The following DNAH2 variants were observed in gnomAD, a reference collection of about 807,000 sequenced individuals.
DNAH2 encodes dynein axonemal heavy chain 2, also known as axonemal beta dynein heavy chain 2.
Under a neutral mutation model 523.5 loss-of-function variants are expected in DNAH2, and 323 were observed. The ratio of observed to expected loss-of-function variants is 0.62; its 90% CI spans 0.56 to 0.68. The LOEUF (loss-of-function observed/expected upper bound fraction) is 0.68, where lower values mean the gene tolerates loss of function less well. Ranked by LOEUF, DNAH2 falls within the 30% of genes least tolerant of loss-of-function variation. The probability of loss-of-function intolerance (pLI) is 0.00; values close to 1 mark genes in which losing one functional copy is unlikely to be tolerated. For missense variants in DNAH2, 4,907 were observed against 5,701.5 expected (o/e 0.86, Z 4.49); for synonymous variants, 2,093 against 2,177.4 (o/e 0.96, Z 1.08).
intron 64 of DNAH2, 122 bp downstream of exon 64, chr17:7,816,857 G>T: frequency 7.8e-7 from 1 of 1,275,840 alleles, no homozygotes; most frequent in Non-Finnish European, 1.1e-6. Flanking sequence ...GGAACTCTAA[G>T]AACTGAGGCG....
intron 56 of DNAH2, among the ~76,000 whole-genome samples, chr17:7,800,655 A>G (rs2077196723): frequency 6.6e-6 from 1 of 150,500 alleles, no homozygotes; most frequent in South Asian, 2.1e-4. Context: ...TCACAAGGTC[A>G]GGAGATCGAG....
At chr17:7,791,851 G>A (rs762682856) in intron 44 of DNAH2, 66 bp from the exon 45 acceptor site, 13 of 1,500,214 alleles carry the variant, frequency 8.7e-6, no homozygotes, top group African/African-American at 2.8e-5. Flanking sequence ...CTGGTGTCAC[G>A]AGTCTGCCAG....
chr17:7,778,022 G>T lies in DNAH2; in HGVS notation c.5248-55G>T. On this transcript the variant is annotated intron_variant, in intron 33 of 85. Coordinates refer to ENST00000572933, the MANE Select transcript of DNAH2 (RefSeq NM_020877.5). ...AGCCCCACTCTCAGTCATTGTCCCA[G>T]CTCTAACTCTCCTTCCAAGCCCACC... is the stretch of plus-strand genomic sequence containing the variant. 4 of 1,493,064 alleles carry T rather than the reference G, an allele frequency of 2.7e-6. No homozygotes were observed. In the South Asian group the frequency reaches 4.6e-5, roughly 17 times the overall value. 92.5% of individuals were successfully genotyped at this position (1,493,064 alleles called of 1,614,324 possible).
At chr17:7,796,112 G>A (rs921976437) in intron 49 of DNAH2, among the ~76,000 whole-genome samples, 12 of 138,978 alleles carry the variant, frequency 8.6e-5, no homozygotes, top group African/African-American at 2.7e-4. Flanking sequence ...GCAGTGGCAC[G>A]ATGTTGGCTC....
chr17:7,780,910 C>CGTGTT lies in DNAH2; in HGVS notation c.6003+130_6004-126dup, dbSNP rs1555555746. The CGTGTT allele has an allele frequency of 5.5e-5, 87 of 1,578,520 alleles. No homozygotes were observed. Among genetic ancestry groups the CGTGTT allele is most frequent in the Non-Finnish European group, 7.3e-5 (85 of 1,158,478 alleles). On this transcript the variant is annotated intron_variant, in intron 38 of 85. Coordinates refer to ENST00000572933, the MANE Select transcript of DNAH2 (RefSeq NM_020877.5). The surrounding 1 kb of genome is among the most constrained non-coding windows in gnomAD (Gnocchi z 4.4). Reference sequence around the variant, plus strand: ...TCACCTTCCCACCTCGTCCCATCCCCGTGTTGCCCGCTGCTTTGCTAATGG... The same window carrying CGTGTT: ...TCACCTTCCCACCTCGTCCCATCCCCGTGTTGTGTTGCCCGCTGCTTTGCTAATGG...
intron 39 of DNAH2, among the ~76,000 whole-genome samples, chr17:7,782,213 C>T (rs1253337154): frequency 1.3e-5 from 2 of 152,160 alleles, no homozygotes; most frequent in African/African-American, 4.8e-5. Flanking sequence ...AAACCCCAGT[C>T]CCCAAGGGGC....
At chr17:7,823,122 C>T (rs1256598193) in intron 73 of DNAH2, among the ~76,000 whole-genome samples, 2 of 151,990 alleles carry the variant, frequency 1.3e-5, no homozygotes, top group East Asian at 1.9e-4. Context: ...GGTGAAACCC[C>T]GTGTCTACTA....
intron 4 of DNAH2, among the ~76,000 whole-genome samples, chr17:7,729,592 G>A (rs1271156443): frequency 6.6e-6 from 1 of 152,050 alleles, no homozygotes; most frequent in Non-Finnish European, 1.5e-5. Context: ...CACCACACCA[G>A]GCTAATTTTG....
At position 7,817,345 on chromosome 17, in the gene DNAH2, T is replaced by G; in HGVS notation, c.9950T>G (p.Phe3317Cys). The G allele has an allele frequency of 7.5e-6, 12 of 1,609,658 alleles. No individual in the cohort carries two copies. Among genetic ancestry groups the G allele is most frequent in the Non-Finnish European group, 9.3e-6 (11 of 1,178,822 alleles). The part of the protein sequence containing the change: ...LVGDCLLAAA[F>C]LSYMGPFLTN... ...GGGGACTGTCTCCTGGCAGCTGCCT[T>G]CCTGTCCTACATGGGACCCTTCCTG... Residue 3317 changes from phenylalanine to cysteine, a missense_variant, in exon 65 of 86, where the codon TTC (phenylalanine) becomes TGC (cysteine). Phe to Cys is a radical substitution (Grantham distance 205). Transcript: ENST00000572933.
At chr17:7,778,556 C>T in intron 35 of DNAH2, 87 bp downstream of exon 35, 1 of 1,258,974 alleles carries the variant, frequency 7.9e-7, no homozygotes, top group Non-Finnish European at 1.1e-6. Flanking sequence ...TGGTTCAGTG[C>T]TTTGTAGCTT....
intron 21 of DNAH2, among the ~76,000 whole-genome samples, 189 bp downstream of exon 21, chr17:7,765,754 G>A (rs887495461): frequency 4.6e-5 from 7 of 151,950 alleles, no homozygotes; most frequent in Non-Finnish European, 7.4e-5. Flanking sequence ...AGACAGCGGC[G>A]CAGCTCACAG....
At position 7,786,141 on chromosome 17, in the gene DNAH2, G is replaced by A. The variant is rs915703230; in HGVS notation, c.6147G>A (p.Glu2049=). The change falls in exon 40 of 86, where the codon GAG becomes GAA. Residue 2049 remains glutamate, a synonymous_variant. Transcript: ENST00000572933. This position sits in a 1 kb window ranked among gnomAD's most constrained non-coding sequence, Gnocchi z 7.5. The part of the protein sequence containing the change: ...IDYGKLRETV[E]QEIRDMGLQS... ...TCCCTCAGCTGCGGGAGACCGTTGA[G>A]CAGGAGATTCGAGACATGGGCCTGC... is the stretch of plus-strand genomic sequence containing the variant. 4 of 1,613,942 alleles carry A rather than the reference G, an allele frequency of 2.5e-6. No individual in the cohort carries two copies. Among genetic ancestry groups the A allele is most frequent in the Admixed American group, 1.7e-5 (1 of 60,002 alleles).
In DNAH2 at chr17:7,796,532, G is replaced by A; in HGVS notation, c.7743G>A (p.Val2581=). The A allele has an allele frequency of 6.2e-6, 10 of 1,613,742 alleles. No homozygotes were observed. Among genetic ancestry groups the A allele is most frequent in the Non-Finnish European group, 8.5e-6 (10 of 1,179,964 alleles). The change falls in exon 50 of 86, where the codon GTG becomes GTA. Residue 2581 remains valine (V), a synonymous_variant. Coordinates refer to ENST00000572933, the MANE Select transcript of DNAH2 (RefSeq NM_020877.5). ...NQKLQDFEEE[V]KPIGNVVTEA... ...AGCTTCAGGACTTTGAGGAAGAGGTGAAGCCCATTGGGAACGTGGTGACAG... is the reference window on the plus strand; with the variant it reads ...AGCTTCAGGACTTTGAGGAAGAGGTAAAGCCCATTGGGAACGTGGTGACAG...
chr17:7,753,916 C>A (rs557473651), intron 12 of DNAH2, among the ~76,000 whole-genome samples: 1 of 152,224 alleles, frequency 6.6e-6, no homozygotes, highest in East Asian at 1.9e-4. Flanking sequence ...CCACTGCACT[C>A]CAGCCTGGGC....
Position 7,792,071 on chromosome 17 carries a change from T to A in DNAH2, c.7053+2T>A. ...ATCGAGGGCTCCTTTCCCAATAAGG[T>A]TGGGCGCACACCTGGCTGTCCTATT... On this transcript the variant is annotated splice_donor_variant, in intron 45 of 85. Coordinates refer to ENST00000572933, the MANE Select transcript of DNAH2 (RefSeq NM_020877.5). LOFTEE classifies it high-confidence loss of function. 6.2e-7 allele frequency: 1 copy of A among 1,612,444 alleles called. No homozygotes were observed. The highest frequency in any genetic ancestry group is 8.5e-7 in the Non-Finnish European group (1 of 1,179,602).
chr17:7,814,250 G>T (rs2077598838), intron 63 of DNAH2, among the ~76,000 whole-genome samples: 1 of 142,940 alleles, frequency 7.0e-6, no homozygotes, highest in Admixed American at 7.2e-5. Context: ...GATTTTATTA[G>T]GTGTAATAAT....
At chr17:7,757,017 T>C in intron 12 of DNAH2, 74 bp from the exon 13 acceptor site, 7 of 1,592,882 alleles carry the variant, frequency 4.4e-6, no homozygotes, top group East Asian at 2.3e-5. Flanking sequence ...TCCCAGCCTC[T>C]CCACCTGTTC....
chr17:7,755,902 C>T (rs1411298738), intron 12 of DNAH2, among the ~76,000 whole-genome samples: 4 of 151,312 alleles, frequency 2.6e-5, no homozygotes, highest in Non-Finnish European at 5.9e-5. Context: ...CAGGTTCAAG[C>T]GATTCTCCTG....
Position 7,780,619 on chromosome 17 carries a change from T to C in DNAH2, c.5851-11T>C. Reference sequence around the variant, plus strand: ...AGATGGACTGTTTCCTCCTCTGTTTTGGTTCCCCAGATTCTGGCCAAGAAG... The same window carrying C: ...AGATGGACTGTTTCCTCCTCTGTTTCGGTTCCCCAGATTCTGGCCAAGAAG... On this transcript the variant is annotated splice_polypyrimidine_tract_variant and intron_variant, in intron 37 of 85. Transcript: ENST00000572933. The surrounding 1 kb of genome is among the most constrained non-coding windows in gnomAD (Gnocchi z 4.4). The C allele has an allele frequency of 6.2e-7, 1 of 1,613,610 alleles. No homozygotes were observed. The highest frequency in any genetic ancestry group is 8.5e-7 in the Non-Finnish European group (1 of 1,179,778).
Sources: allele counts gnomAD v4.1 joint callset (sites outside exome capture counted in the v4.1 genomes callset), GRCh38; gene constraint gnomAD v4.1.1; non-coding constraint Gnocchi (gnomAD v3.1); transcripts MANE v1.5; gene names NCBI Gene and HGNC (gene_info 2026-07-23, HGNC 2026-07-21).